Variants in C19orf47 observed in about 807,000 individuals in gnomAD.
C19orf47 encodes chromosome 19 open reading frame 47, also known as uncharacterized protein C19orf47.
C19orf47 carries 18 observed loss-of-function variants against 32.3 expected under a neutral mutation model. That is an observed-to-expected ratio of 0.56 (90% confidence interval 0.39 to 0.83). The LOEUF (loss-of-function observed/expected upper bound fraction) is 0.83. C19orf47 is among the 40% of genes least tolerant of loss of function. The pLI, the probability that C19orf47 is intolerant of heterozygous loss-of-function variation, is 0.00. For synonymous variants in C19orf47, 202 were observed against 211.1 expected (o/e 0.96, Z 0.37); for missense variants, 484 against 531.6 (o/e 0.91, Z 0.88).
At chr19:40,337,287 C>CAAT (rs932115159) in intron 2 of C19orf47, among the ~76,000 whole-genome samples, 8 of 84,622 alleles carry the variant, frequency 9.5e-5, no homozygotes, top group African/African-American at 3.6e-4. Context: ...ACCATGACAG[C>CAAT]AATTATTATT....
chr19:40,348,236 A>G, intron 1 of C19orf47, 88 bp downstream of exon 1: 2 of 912,382 alleles, frequency 2.2e-6, no homozygotes, highest in East Asian at 7.0e-5. Context: ...AAGCCGTACA[A>G]CGGAGCCCGA....
intron 2 of C19orf47, among the ~76,000 whole-genome samples, chr19:40,341,104 A>G (rs1266345403): frequency 6.6e-6 from 1 of 151,876 alleles, no homozygotes; most frequent in Admixed American, 6.6e-5. Context: ...GAGGCCAAAG[A>G]GGGAAGATCA....
intron 4 of C19orf47, 149 bp from the exon 5 acceptor site, chr19:40,334,078 C>A: frequency 1.9e-6 from 1 of 540,368 alleles, no homozygotes; most frequent in East Asian, 3.2e-5. Context: ...TCAGATACCT[C>A]CAAACTGAGG....
At chr19:40,296,872 C>T in the C19orf47 span, among the ~76,000 whole-genome samples, 1 of 151,884 alleles carries the variant, frequency 6.6e-6, no homozygotes, top group South Asian at 2.1e-4. Flanking sequence ...TGAGATCGCA[C>T]CATTGTACTC....
chr19:40,311,016 T>A, the C19orf47 span, among the ~76,000 whole-genome samples: 1 of 152,134 alleles, frequency 6.6e-6, no homozygotes. Context: ...GGTGAGCGGA[T>A]TGCTTGAGTC....
chr19:40,345,536 TAAAAAAAAAA>T (rs55954294), intron 1 of C19orf47, among the ~76,000 whole-genome samples: 1 of 110,848 alleles, frequency 9.0e-6, no homozygotes, highest in African/African-American at 3.4e-5. Flanking sequence ...CTGTCACTGT[TAAAAAAAAAA>T]AAAAAAAAAA....
the C19orf47 span, among the ~76,000 whole-genome samples, chr19:40,312,025 T>C: frequency 6.6e-6 from 1 of 152,240 alleles, no homozygotes; most frequent in South Asian, 2.1e-4. Context: ...TTCATTTTCA[T>C]TGATGTACAC....
chr19:40,303,084 C>T, the C19orf47 span, among the ~76,000 whole-genome samples: 3 of 151,924 alleles, frequency 2.0e-5, no homozygotes, highest in Non-Finnish European at 2.9e-5. Flanking sequence ...AAAAATTAGC[C>T]GGGCGGGGTG....
Position 40,336,372 on chromosome 19 carries a change from C to T in C19orf47, c.55G>A (p.Gly19Ser), listed in dbSNP as rs745598059. 8 of 1,614,120 alleles carry T rather than the reference C, an allele frequency of 5.0e-6. No individual in the cohort carries two copies. The highest frequency in any genetic ancestry group is 4.5e-5 in the East Asian group (2 of 44,884). Residue 19 changes from glycine (G) to serine (S), a missense_variant, in exon 3 of 9, where the codon GGC becomes AGC. Gly to Ser is a moderately conservative substitution (Grantham distance 56). Around this residue, in one of 3 missense-constraint regions of C19orf47, gnomAD observed 57 missense variants for 86.9 expected, o/e 0.66. Transcript: ENST00000683109. ...SEWIQFFKEA[G>S]IPPGPAVNYA... is the part of the protein sequence containing the mutation. ...TTGACGGCAGGTCCTGGAGGAATGC[C>T]GGCTTCCTTAAAGAACTGGATCCAC...
At chr19:40,326,563 T>C in intron 6 of C19orf47, 77 bp from the exon 7 acceptor site, 2 of 1,499,406 alleles carry the variant, frequency 1.3e-6, no homozygotes, top group Non-Finnish European at 1.8e-6. Flanking sequence ...ACACTAGGTG[T>C]CCTTTATCTC....
Position 40,336,132 on chromosome 19 carries a change from T to C in C19orf47, c.200A>G (p.His67Arg). The change falls in exon 4 of 9, where the codon CAT becomes CGT. Residue 67 changes from histidine to arginine, a missense_variant. Physicochemically the swap from His to Arg is conservative, Grantham distance 29. Around this residue, in one of 3 missense-constraint regions of C19orf47, gnomAD observed 376 missense variants for 370.2 expected, o/e 1.02. Coordinates refer to ENST00000683109, the MANE Select transcript of C19orf47 (RefSeq NM_001256441.2). ...CACCTGACGGTGCACCACTTTGGCA[T>C]GCTTGAGAATGGCGATGATGTCACC... ...VVGDIIAILK[H>R]AKVVHRQDMC... The C allele has an allele frequency of 6.2e-7, 1 of 1,614,214 alleles. No homozygotes were observed. Among genetic ancestry groups the C allele is most frequent in the Non-Finnish European group, 8.5e-7 (1 of 1,180,038 alleles).
intron 2 of C19orf47, among the ~76,000 whole-genome samples, chr19:40,338,149 ACTGCCGTCTCAAC>A (rs1398074907): frequency 1.3e-5 from 2 of 151,316 alleles, no homozygotes; most frequent in Admixed American, 6.6e-5. Context: ...ATCATAGCTC[ACTGCCGTCTCAAC>A]CTCCTGGGCT....
chr19:40,340,177 G>A (rs2078148886), intron 2 of C19orf47, among the ~76,000 whole-genome samples: 1 of 151,624 alleles, frequency 6.6e-6, no homozygotes, highest in Non-Finnish European at 1.5e-5. Flanking sequence ...GAACTATAAT[G>A]TACATGCAAA....
intron 2 of C19orf47, among the ~76,000 whole-genome samples, chr19:40,337,484 G>A (rs1004634122): frequency 1.3e-5 from 2 of 151,674 alleles, no homozygotes; most frequent in Admixed American, 6.6e-5. Context: ...TCACTGATTC[G>A]AAGTAGAACT....
the C19orf47 span, among the ~76,000 whole-genome samples, chr19:40,299,893 G>T: frequency 6.6e-6 from 1 of 152,088 alleles, no homozygotes; most frequent in South Asian, 2.1e-4. Context: ...GTCAGGCGTG[G>T]TGACGGGCAC....
intron 1 of C19orf47, among the ~76,000 whole-genome samples, chr19:40,347,808 C>T (rs1600232981): frequency 6.6e-6 from 1 of 152,210 alleles, no homozygotes; most frequent in East Asian, 1.9e-4. Context: ...AGTCCCAATC[C>T]ACGAGCTCTC....
chr19:40,312,113 C>G, the C19orf47 span, among the ~76,000 whole-genome samples: 2 of 152,240 alleles, frequency 1.3e-5, no homozygotes, highest in Non-Finnish European at 2.9e-5. Context: ...AATGCGAGTT[C>G]TCATCCCACA....
chr19:40,321,744 TCGGGCCTAG>T lies in C19orf47; in HGVS notation c.*129_*137del. ...AGAAATGGGGTGATCCCCCGAATGC[TCGGGCCTAG>T]CTCTAGAGCCCGAGGGAGACAAGCT... On this transcript the variant is annotated 3_prime_UTR_variant, in exon 9 of 9. Transcript: ENST00000683109. 1 of 1,431,908 alleles carries T rather than the reference TCGGGCCTAG, an allele frequency of 7.0e-7. No individual in the cohort carries two copies. The highest frequency in any genetic ancestry group is 9.1e-7 in the Non-Finnish European group (1 of 1,097,964). The allele number at this position is 1,431,908 out of a possible 1,614,324, so 88.7% of individuals were successfully genotyped here. A position where few individuals can be genotyped will look rare whatever the true frequency, so the allele number is the denominator to read the frequency against.
chr19:40,317,423 GTC>G (rs1475513202), downstream of C19orf47, among the ~76,000 whole-genome samples: 2 of 151,956 alleles, frequency 1.3e-5, no homozygotes, highest in African/African-American at 4.8e-5. Flanking sequence ...GAAAGACCCT[GTC>G]TCTAAAAAAC....
Sources: allele counts gnomAD v4.1 joint callset (sites outside exome capture counted in the v4.1 genomes callset), GRCh38; gene constraint gnomAD v4.1.1; regional missense constraint gnomAD v4.1.1; transcripts MANE v1.5; gene names NCBI Gene and HGNC (gene_info 2026-07-23, HGNC 2026-07-21).